FTCD: variants seen among roughly 807,000 people sequenced by gnomAD.
FTCD encodes the protein formimidoyltransferase cyclodeaminase.
In FTCD, 76 loss-of-function variants were observed where a neutral mutation model predicts 62.9. That is an observed-to-expected ratio of 1.21 (90% CI 1.00 to 1.46). FTCD has a LOEUF of 1.46. FTCD is among the 40% of genes most tolerant of loss of function. The probability of loss-of-function intolerance (pLI) is 0.00; values close to 1 mark genes in which losing one functional copy is unlikely to be tolerated. For synonymous variants in FTCD, 397 were observed against 336.9 expected, an observed-to-expected ratio of 1.18 and a Z score of -1.95; for missense variants, 845 against 751.3, an observed-to-expected ratio of 1.12 and a Z score of -1.46.
chr21:46,139,989 TG>T lies in FTCD; in HGVS notation c.1261-1067del, dbSNP rs2078959375. 1.3e-5 allele frequency among the ~76,000 whole-genome samples: 2 copies of T among 152,242 alleles called. 1 individual carries two copies. Among genetic ancestry groups the T allele is most frequent in the South Asian group, 4.1e-4 (2 of 4,834 alleles). On this transcript the variant is annotated intron_variant, in intron 10 of 13. Transcript: ENST00000397746. The stretch of plus-strand genomic sequence containing the variant: ...CGAGGCCTGCCCGCCCGGTCCGTTT[TG>T]TTTTCTGTGATTTATCGTGAGGCTT...
chr21:46,148,598 G>A (rs1405055088), intron 7 of FTCD, among the ~76,000 whole-genome samples: 1 of 152,204 alleles, frequency 6.6e-6, no homozygotes, highest in Non-Finnish European at 1.5e-5. Flanking sequence ...CAGCCTGGGT[G>A]ACAGAGCAAG....
chr21:46,138,451 C>T (rs1276773401), intron 12 of FTCD, 57 bp downstream of exon 12: 32 of 1,522,204 alleles, frequency 2.1e-5, no homozygotes, highest in Non-Finnish European at 2.7e-5. Flanking sequence ...CAACTCAGCC[C>T]CAACAGCTGC....
chr21:46,151,613 T>C lies in FTCD; in HGVS notation c.581A>G (p.Glu194Gly), dbSNP rs1002772613. The C allele has an allele frequency of 1.2e-6, 2 of 1,613,082 alleles. No homozygotes were observed. Among genetic ancestry groups the C allele is most frequent in the East Asian group, 4.5e-5 (2 of 44,874 alleles). Residue 194 changes from glutamate (E) to glycine (G), a missense_variant, in exon 5 of 14, where the codon GAG (glutamate) becomes GGG (glycine). By Grantham distance (98) the Glu-to-Gly change is moderately conservative. Coordinates refer to ENST00000397746, the MANE Select transcript of FTCD (RefSeq NM_206965.2). Reference protein sequence around the residue: ...AFNINLLGTKEQAHRIALNLR... With the variant: ...AFNINLLGTKGQAHRIALNLR... ...GTTGAGCGCGATGCGGTGGGCTTGCTCCTTTGTGCCGAGCAGGTTGATGTT... is the reference window on the plus strand; with the variant it reads ...GTTGAGCGCGATGCGGTGGGCTTGCCCCTTTGTGCCGAGCAGGTTGATGTT...
At chr21:46,151,497 A>G (rs754503116) in intron 5 of FTCD, 61 bp downstream of exon 5, 7 of 1,472,780 alleles carry the variant, frequency 4.8e-6, no homozygotes, top group Non-Finnish European at 6.6e-6. Flanking sequence ...TGAGGCTCTC[A>G]GCCTCTAACC....
At chr21:46,149,984 C>T (rs1936779134) in intron 7 of FTCD, 135 bp downstream of exon 7, 5 of 890,360 alleles carry the variant, frequency 5.6e-6, no homozygotes, top group Non-Finnish European at 8.9e-6. Context: ...GAAATCTCAT[C>T]TTCTGAACAC....
At chr21:46,151,846 G>A in intron 4 of FTCD, 46 bp downstream of exon 4, 1 of 1,558,276 alleles carries the variant, frequency 6.4e-7, no homozygotes, top group Non-Finnish European at 8.7e-7. Flanking sequence ...GGACAAAGGG[G>A]CAGGTCCACC....
At chr21:46,148,809 G>A (rs539281959) in intron 7 of FTCD, among the ~76,000 whole-genome samples, 91 of 152,344 alleles carry the variant, frequency 6.0e-4, no homozygotes, top group Non-Finnish European at 1.0e-3. Context: ...TCTGTGTTAC[G>A]TGAACTGGAT....
At chr21:46,145,701 C>A (rs2079124586) in intron 9 of FTCD, 117 bp downstream of exon 9, 3 of 738,978 alleles carry the variant, frequency 4.1e-6, no homozygotes, top group African/African-American at 3.8e-5. Context: ...CACGTCTCCA[C>A]CCAGGGCGGC....
chr21:46,152,419 CG>C (rs1568984069), intron 3 of FTCD: 2 of 203,156 alleles, frequency 9.8e-6, no homozygotes, highest in Admixed American at 1.1e-4. Flanking sequence ...ATGACCGTGA[CG>C]GGGGTTACGT....
chr21:46,145,522 C>T lies in FTCD; in HGVS notation c.1155G>A (p.Gln385=). Residue 385 remains glutamine, a synonymous_variant, in exon 10 of 14, where the codon CAG becomes CAA. Transcript: ENST00000397746. ...GLMTYGRRQF[Q]SLDTTMRRLI... is the part of the protein sequence containing the mutation. ...GGCGCCGCATCGTCGTGTCCAGGGACTGGAATTGGCGCCGCCCGTAGGTCA... is the reference window on the plus strand; with the variant it reads ...GGCGCCGCATCGTCGTGTCCAGGGATTGGAATTGGCGCCGCCCGTAGGTCA... 1.3e-6 allele frequency: 2 copies of T among 1,548,626 alleles called. No individual in the cohort carries two copies. The highest frequency in any genetic ancestry group is 1.7e-6 in the Non-Finnish European group (2 of 1,146,318).
rs1414958605 is a variant in FTCD at position 46,151,549 on chromosome 21, C to CGGG, written c.636+6_636+8dup. Reference sequence around the variant, plus strand: ...GGTGGGGCTCCATGGGGTCAGTGAACGGGGTCACCTGGTCCTTCCCGCGGC... The same window carrying CGGG: ...GGTGGGGCTCCATGGGGTCAGTGAACGGGGGGGTCACCTGGTCCTTCCCGCGGC... On this transcript the variant is annotated intron_variant, in intron 5 of 13. Coordinates refer to ENST00000397746, the MANE Select transcript of FTCD (RefSeq NM_206965.2). 6.2e-7 allele frequency: 1 copy of CGGG among 1,610,294 alleles called. No individual in the cohort carries two copies. The highest frequency in any genetic ancestry group is 8.5e-7 in the Non-Finnish European group (1 of 1,178,030).
chr21:46,154,194 C>T lies in FTCD; in HGVS notation c.193G>A (p.Ala65Thr), dbSNP rs757424167. 65 of 1,612,852 alleles carry T rather than the reference C, an allele frequency of 4.0e-5. No individual in the cohort carries two copies. The highest frequency in any genetic ancestry group is 4.5e-5 in the Non-Finnish European group (53 of 1,179,984). Residue 65 changes from alanine to threonine, a missense_variant, in exon 2 of 14, where the codon GCT becomes ACT. Physicochemically the swap from Ala to Thr is moderately conservative, Grantham distance 58. Transcript: ENST00000397746. Reference protein sequence around the residue: ...PECVVEGALNAARVASRLIDM... With the variant: ...PECVVEGALNTARVASRLIDM... ...ATAAGTCGGGAAGCTACCCGGGCAG[C>T]GTTGAGGGCCCCCTCCACCACGCAC...
At chr21:46,147,889 G>A (rs2079184821) in intron 7 of FTCD, among the ~76,000 whole-genome samples, 1 of 148,480 alleles carries the variant, frequency 6.7e-6, no homozygotes, top group Non-Finnish European at 1.5e-5. Flanking sequence ...GTTGCAGTGA[G>A]CCGAGATCAC....
At chr21:46,154,420 A>C in intron 1 of FTCD, 88 bp from the exon 2 acceptor site, 1 of 1,449,252 alleles carries the variant, frequency 6.9e-7, no homozygotes, top group Non-Finnish European at 9.4e-7. Flanking sequence ...CCGAGACACA[A>C]ATGGGGGCTG....
Position 46,138,537 on chromosome 21 carries a change from C to G in FTCD, c.1414G>C (p.Gly472Arg). ...AGGTCTGACCGGCAGGCCAGGTTCC[C>G]ACACCGGGCCAGTTCCTGCAGGGCC... ...WPALQELARC[G>R]NLACRSDLQV... Residue 472 changes from glycine (G) to arginine (R), a missense_variant, in exon 12 of 14, where the codon GGG (glycine) becomes CGG (arginine). Transcript: ENST00000397746. 6.3e-7 allele frequency: 1 copy of G among 1,586,286 alleles called. No individual in the cohort carries two copies. Among genetic ancestry groups the G allele is most frequent in the Non-Finnish European group, 8.5e-7 (1 of 1,173,348 alleles).
intron 7 of FTCD, 131 bp from the exon 8 acceptor site, chr21:46,146,458 A>T (rs1008490758): frequency 1.4e-6 from 1 of 702,750 alleles, no homozygotes; most frequent in Non-Finnish European, 2.6e-6. Flanking sequence ...TGCGGGGAGC[A>T]GGGCAGGGGC....
chr21:46,154,464 C>T (rs2079383021), intron 1 of FTCD, 132 bp from the exon 2 acceptor site: 1 of 1,125,656 alleles, frequency 8.9e-7, no homozygotes, highest in Non-Finnish European at 1.3e-6. Context: ...GGCTCTCCGA[C>T]AAGCTGAGCT....
chr21:46,144,804 C>T (rs1601321911), intron 10 of FTCD, among the ~76,000 whole-genome samples: 3 of 147,438 alleles, frequency 2.0e-5, no homozygotes, highest in African/African-American at 7.6e-5. Context: ...AGCATCCTGA[C>T]CTTGTCACTG....
At chr21:46,142,499 C>T (rs893659266) in intron 10 of FTCD, 1 of 151,038 alleles carries the variant, frequency 6.6e-6, no homozygotes, top group East Asian at 2.0e-4. Context: ...AGTGTTACAG[C>T]TCTTACAGGT....
Sources: gnomAD v4.1 joint callset for allele counts (sites outside exome capture counted in the v4.1 genomes callset) on GRCh38, gnomAD v4.1.1 for gene constraint, MANE v1.5 for transcripts, NCBI Gene and HGNC (gene_info 2026-07-23, HGNC 2026-07-21) for gene names.